The following NEMP2 variants were observed in gnomAD, a reference collection of about 807,000 sequenced individuals.
NEMP2 encodes UPF0571 transmembrane protein.
A neutral mutation model predicts 54.2 loss-of-function variants in NEMP2; 53 were observed. The observed-to-expected ratio is 0.98, with a 90% CI of 0.78 to 1.23. The LOEUF (loss-of-function observed/expected upper bound fraction) is 1.23. Ranked by LOEUF, NEMP2 falls within the 50% of genes most tolerant of loss-of-function variation. NEMP2 has a pLI of 0.00. For synonymous variants in NEMP2, 197 were observed against 190.3 expected (o/e 1.04, Z -0.29); for missense variants, 455 against 511.3 (o/e 0.89, Z 1.06).
Position 190,514,361 on chromosome 2 carries a change from T to C in NEMP2, c.953+92A>G, listed in dbSNP as rs1323283198. The C allele has an allele frequency of 5.1e-6, 6 of 1,170,158 alleles. No homozygotes were observed. Among genetic ancestry groups the C allele is most frequent in the Admixed American group, 4.1e-5 (2 of 48,328 alleles). 72.5% of individuals were successfully genotyped at this position (1,170,158 alleles called of 1,614,324 possible). On this transcript the variant is annotated intron_variant, in intron 7 of 8. Transcript: ENST00000409150. The surrounding 1 kb of genome is among the most constrained non-coding windows in gnomAD (Gnocchi z 5.7). Reference sequence around the variant, plus strand: ...GAAATCTCCAGATCAAATGTAATTATGAGATTAACATGATGTGTGCAAACA... The same window carrying C: ...GAAATCTCCAGATCAAATGTAATTACGAGATTAACATGATGTGTGCAAACA...
At chr2:190,422,824 T>A in the NEMP2 span, among the ~76,000 whole-genome samples, 68 of 152,186 alleles carry the variant, frequency 4.5e-4, no homozygotes, top group Non-Finnish European at 1.9e-4. Context: ...GAGTTATTAT[T>A]TTCTAGATGT....
the NEMP2 span, among the ~76,000 whole-genome samples, chr2:190,564,537 C>A: frequency 6.6e-6 from 1 of 152,196 alleles, no homozygotes; most frequent in Non-Finnish European, 1.5e-5. This position sits in a 1 kb window ranked among gnomAD's most constrained non-coding sequence, Gnocchi z 4.2. Context: ...CACTTTCTCT[C>A]TTGAATCATA....
the NEMP2 span, chr2:190,437,614 A>G: frequency 6.4e-7 from 1 of 1,557,810 alleles, no homozygotes; most frequent in Non-Finnish European, 8.7e-7. The surrounding 1 kb of genome is among the most constrained non-coding windows in gnomAD (Gnocchi z 5.9). Context: ...TTATCTTTTT[A>G]TGGTTTATAG....
chr2:190,488,712 TC>T, the NEMP2 span: 1 of 1,604,240 alleles, frequency 6.2e-7, no homozygotes, highest in East Asian at 2.3e-5. This position sits in a 1 kb window ranked among gnomAD's most constrained non-coding sequence, Gnocchi z 6.4. Context: ...GTGCAGCCGT[TC>T]CCCCTGAGCT....
the NEMP2 span, among the ~76,000 whole-genome samples, chr2:190,560,550 CCTT>C: frequency 6.6e-6 from 1 of 152,098 alleles, no homozygotes; most frequent in Non-Finnish European, 1.5e-5. This position sits in a 1 kb window ranked among gnomAD's most constrained non-coding sequence, Gnocchi z 5.4. Context: ...TTTTGGATCA[CCTT>C]CTTTTAAAAA....
chr2:190,513,012 G>A lies in NEMP2; in HGVS notation c.953+1441C>T, dbSNP rs967531958. On this transcript the variant is annotated intron_variant, in intron 7 of 8. Transcript: ENST00000409150. This position sits in a 1 kb window ranked among gnomAD's most constrained non-coding sequence, Gnocchi z 5.3. The stretch of plus-strand genomic sequence containing the variant: ...GAACATTTATTCACTCCCTCTTCTA[G>A]CCTTGGTCTCATGGTCCTACCCTAG... Among the ~76,000 whole-genome samples the A allele has an allele frequency of 6.6e-6, 1 of 152,002 alleles. No homozygotes were observed.
chr2:190,639,805 T>C, the NEMP2 span, among the ~76,000 whole-genome samples: 2 of 152,090 alleles, frequency 1.3e-5, no homozygotes, highest in African/African-American at 2.4e-5. Flanking sequence ...CATGCCACCA[T>C]GCCCAGCTAA....
the NEMP2 span, among the ~76,000 whole-genome samples, chr2:190,493,683 A>C: frequency 6.6e-6 from 1 of 152,246 alleles, no homozygotes; most frequent in Non-Finnish European, 1.5e-5. Context: ...CTCTCAGACC[A>C]CAGTGGAATA....
the NEMP2 span, among the ~76,000 whole-genome samples, chr2:190,586,335 TTTG>T: frequency 6.6e-6 from 1 of 152,112 alleles, no homozygotes; most frequent in African/African-American, 2.4e-5. This position sits in a 1 kb window ranked among gnomAD's most constrained non-coding sequence, Gnocchi z 4.5. Context: ...TCGTTTTGGT[TTTG>T]TTTTTTGTTT....
chr2:190,610,342 C>G, the NEMP2 span: 1 of 152,118 alleles, frequency 6.6e-6, no homozygotes, highest in African/African-American at 2.4e-5. The surrounding 1 kb of genome is among the most constrained non-coding windows in gnomAD (Gnocchi z 5.4). Context: ...AAAGCCAAGC[C>G]CAGCCATGGA....
the NEMP2 span, among the ~76,000 whole-genome samples, chr2:190,595,150 G>C: frequency 6.6e-6 from 1 of 152,092 alleles, no homozygotes; most frequent in Non-Finnish European, 1.5e-5. This position sits in a 1 kb window ranked among gnomAD's most constrained non-coding sequence, Gnocchi z 4.0. Flanking sequence ...CAAGAAATGG[G>C]GGAAAGGATT....
At chr2:190,535,439 GA>G (rs549925082), upstream of NEMP2, among the ~76,000 whole-genome samples, 572 of 152,140 alleles carry the variant, frequency 3.8e-3, 4 homozygotes, top group Admixed American at 5.9e-3. Flanking sequence ...CATATAACCT[GA>G]ATGATCTTAA....
chr2:190,473,743 C>T, the NEMP2 span, among the ~76,000 whole-genome samples: 3 of 152,212 alleles, frequency 2.0e-5, no homozygotes, highest in Non-Finnish European at 2.9e-5. Context: ...ACAGAACTCT[C>T]CACCCCAAAT....
chr2:190,465,195 G>T, the NEMP2 span, among the ~76,000 whole-genome samples: 1 of 152,150 alleles, frequency 6.6e-6, no homozygotes, highest in Admixed American at 6.5e-5. This position sits in a 1 kb window ranked among gnomAD's most constrained non-coding sequence, Gnocchi z 4.6. Context: ...CGAGTGGCAG[G>T]TGATTTGGGT....
chr2:190,563,039 C>G, the NEMP2 span, among the ~76,000 whole-genome samples: 20 of 152,208 alleles, frequency 1.3e-4, no homozygotes, highest in African/African-American at 4.3e-4. This position sits in a 1 kb window ranked among gnomAD's most constrained non-coding sequence, Gnocchi z 4.3. Context: ...TTTATAAACA[C>G]AAAATGACTA....
At chr2:190,437,302 A>C in the NEMP2 span, 1 of 1,614,226 alleles carries the variant, frequency 6.2e-7, no homozygotes, top group Non-Finnish European at 8.5e-7. The surrounding 1 kb of genome is among the most constrained non-coding windows in gnomAD (Gnocchi z 5.9). Context: ...GGAGACACCA[A>C]CCACCACAAG....
chr2:190,448,427 G>A, the NEMP2 span, among the ~76,000 whole-genome samples: 6 of 152,120 alleles, frequency 3.9e-5, no homozygotes, highest in African/African-American at 1.4e-4. Context: ...CATCAATTGA[G>A]GAATGGATAC....
chr2:190,430,924 C>T, the NEMP2 span, among the ~76,000 whole-genome samples: 12 of 149,150 alleles, frequency 8.0e-5, no homozygotes, highest in East Asian at 2.0e-4. Context: ...GGCTGCCGGG[C>T]GGAGGGGCTC....
chr2:190,516,452 A>G, intron 5 of NEMP2, 68 bp from the exon 6 acceptor site: 2 of 1,184,310 alleles, frequency 1.7e-6, no homozygotes, highest in East Asian at 5.1e-5. Context: ...AAAAGCAAAC[A>G]AATAAACCTT....
Sources: gnomAD v4.1 joint callset for allele counts (sites outside exome capture counted in the v4.1 genomes callset) on GRCh38, gnomAD v4.1.1 for gene constraint, Gnocchi (gnomAD v3.1) non-coding constraint, MANE v1.5 for transcripts, NCBI Gene and HGNC (gene_info 2026-07-23, HGNC 2026-07-21) for gene names.